EMILIN2: variants seen among roughly 807,000 people sequenced by gnomAD.
EMILIN2 encodes the protein elastin microfibril interfacer 2.
A neutral mutation model predicts 87.1 loss-of-function variants in EMILIN2; 71 were observed. The observed-to-expected ratio is 0.82, with a 90% CI of 0.67 to 0.99. The LOEUF (loss-of-function observed/expected upper bound fraction) is 0.99. EMILIN2 is among the 50% of genes least tolerant of loss of function. The pLI, the probability that EMILIN2 is intolerant of heterozygous loss-of-function variation, is 0.00. For missense variants in EMILIN2, 1,407 were observed against 1,371.8 expected, an observed-to-expected ratio of 1.03 and a Z score of -0.40; for synonymous variants, 581 against 563.4, an observed-to-expected ratio of 1.03 and a Z score of -0.44.
At chr18:2,846,956 C>A, upstream of EMILIN2, 1 of 999,196 alleles carries the variant, frequency 1.0e-6, no homozygotes. This position sits in a 1 kb window ranked among gnomAD's most constrained non-coding sequence, Gnocchi z 5.3. Context: ...CCCGGGGGGA[C>A]CTGTGCGTCA....
At chr18:2,906,584 G>A (rs952193266) in intron 4 of EMILIN2, 199 bp from the exon 5 acceptor site, 2 of 394,170 alleles carry the variant, frequency 5.1e-6, no homozygotes, top group Non-Finnish European at 8.7e-6. Context: ...GGGGTCCCCG[G>A]CGGCGTCCGG....
At chr18:2,888,419 T>TTAA (rs2076813767) in intron 3 of EMILIN2, among the ~76,000 whole-genome samples, 1 of 152,108 alleles carries the variant, frequency 6.6e-6, no homozygotes, top group Admixed American at 6.6e-5. Flanking sequence ...CTTTAGTGTC[T>TTAA]TAAGAGAGAA....
At chr18:2,862,768 A>T (rs886250400) in intron 2 of EMILIN2, among the ~76,000 whole-genome samples, 1 of 152,002 alleles carries the variant, frequency 6.6e-6, no homozygotes, top group African/African-American at 2.4e-5. Context: ...CTCTTTTTCT[A>T]TTGATTGGAA....
chr18:2,896,762 G>C (rs555127673), intron 4 of EMILIN2, among the ~76,000 whole-genome samples: 16 of 152,230 alleles, frequency 1.1e-4, no homozygotes, highest in African/African-American at 3.6e-4. Context: ...GGCATGTGCT[G>C]TAATTACATG....
chr18:2,850,093 ATTTT>A lies in EMILIN2; in HGVS notation c.257+2179_257+2182del, dbSNP rs71366611. Among the ~76,000 whole-genome samples, 514 of 122,536 alleles carry A rather than the reference ATTTT, an allele frequency of 4.2e-3. 5 individuals are homozygous for A. The highest frequency in any genetic ancestry group is 0.015 in the African/African-American group (467 of 32,136). 80.4% of individuals were successfully genotyped at this position (122,536 alleles called of 152,430 possible). On this transcript the variant is annotated intron_variant, in intron 2 of 7. Coordinates refer to ENST00000254528, the MANE Select transcript of EMILIN2 (RefSeq NM_032048.3). ...AGGTGTGTGCCACCATGCCCAGCTA[ATTTT>A]TTTTTTTTTTTTTTTTGTATTTTTA...
At chr18:2,860,613 A>C (rs917023011) in intron 2 of EMILIN2, among the ~76,000 whole-genome samples, 2 of 152,174 alleles carry the variant, frequency 1.3e-5, no homozygotes, top group African/African-American at 4.8e-5. Flanking sequence ...TATATGTTCC[A>C]CATTTTCTTA....
chr18:2,858,636 TTC>T (rs1227483136), intron 2 of EMILIN2, among the ~76,000 whole-genome samples: 1 of 141,728 alleles, frequency 7.1e-6, no homozygotes, highest in Non-Finnish European at 1.5e-5. Context: ...AGTTTCTTTT[TTC>T]TCTTTCTTTT....
intron 5 of EMILIN2, 68 bp from the exon 6 acceptor site, chr18:2,908,875 G>A (rs1015841729): frequency 1.7e-5 from 27 of 1,587,778 alleles, no homozygotes; most frequent in Non-Finnish European, 2.3e-5. Context: ...AGAGGAAAAA[G>A]GGGGCTCAGA....
In EMILIN2 at chr18:2,914,211, A is replaced by G. The variant is rs1598509794; in HGVS notation, c.*807A>G. On this transcript the variant is annotated 3_prime_UTR_variant, in exon 8 of 8. Transcript: ENST00000254528. The stretch of plus-strand genomic sequence containing the variant: ...AATTAATCTCAGCTACAAAACTGTT[A>G]CCCCTCCGCATCCAAGCTATACACT... 1 of 152,294 alleles carries G rather than the reference A, an allele frequency of 6.6e-6. No individual in the cohort carries two copies. Among genetic ancestry groups the G allele is most frequent in the Non-Finnish European group, 1.5e-5 (1 of 68,030 alleles). The allele number at this position is 152,294 out of a possible 1,614,324, so 9.4% of individuals were successfully genotyped here. A position where few individuals can be genotyped will look rare whatever the true frequency, so the allele number is the denominator to read the frequency against.
upstream of EMILIN2, among the ~76,000 whole-genome samples, chr18:2,846,459 C>T (rs140890021): frequency 2.0e-5 from 3 of 152,234 alleles, no homozygotes; most frequent in Non-Finnish European, 4.4e-5. The surrounding 1 kb of genome is among the most constrained non-coding windows in gnomAD (Gnocchi z 5.3). Context: ...TGCCGCCCCC[C>T]GCGTGGCCTC....
At position 2,865,005 on chromosome 18, in the gene EMILIN2, G is replaced by A. The variant is rs184726364; in HGVS notation, c.257+17074G>A. On this transcript the variant is annotated intron_variant, in intron 2 of 7. Coordinates refer to ENST00000254528, the MANE Select transcript of EMILIN2 (RefSeq NM_032048.3). ...CTGATACCCTTTCTTCCAGTTGATC[G>A]CATCAGCTACTGAGGCTTGTGCATT... is the stretch of plus-strand genomic sequence containing the variant. Among the ~76,000 whole-genome samples, 1,374 of 152,126 alleles carry A rather than the reference G, an allele frequency of 9.0e-3. 11 individuals are homozygous for A. Among genetic ancestry groups the A allele is most frequent in the Non-Finnish European group, 0.011 (726 of 68,008 alleles).
chr18:2,877,429 A>G, intron 2 of EMILIN2, among the ~76,000 whole-genome samples: 1 of 125,820 alleles, frequency 7.9e-6, no homozygotes, highest in Non-Finnish European at 1.6e-5. Context: ...TTATTCATTG[A>G]CTGACAGTTT....
rs1223649935 is a variant in EMILIN2, at chr18:2,890,379, A to G, written c.434-182A>G. Among the ~76,000 whole-genome samples, 4 of 152,218 alleles carry G rather than the reference A, an allele frequency of 2.6e-5. No homozygotes were observed. The East Asian group carries it at 7.7e-4, about 29-fold the overall frequency. On this transcript the variant is annotated intron_variant, in intron 3 of 7. Coordinates refer to ENST00000254528, the MANE Select transcript of EMILIN2 (RefSeq NM_032048.3). The surrounding 1 kb of genome is among the most constrained non-coding windows in gnomAD (Gnocchi z 4.7). ...AATAGCAGAGCCAGAATGCAAGTAG[A>G]GGTCTATTTGACTACAAAGCCCATA...
rs1011423125 is a variant in EMILIN2, at chr18:2,914,711, G to A, written c.*1307G>A. 17 of 151,904 alleles carry A rather than the reference G, an allele frequency of 1.1e-4. No homozygotes were observed. Among genetic ancestry groups the A allele is most frequent in the Admixed American group, 7.2e-4 (11 of 15,260 alleles). The allele number at this position is 151,904 out of a possible 1,614,324, so 9.4% of individuals were successfully genotyped here. On this transcript the variant is annotated 3_prime_UTR_variant, in exon 8 of 8. Transcript: ENST00000254528. ...TTGGCCCACAAGATGCTCTTATGCTGTAAAAAAAATGCTTTAAGAATTGTT... is the reference window on the plus strand; with the variant it reads ...TTGGCCCACAAGATGCTCTTATGCTATAAAAAAAATGCTTTAAGAATTGTT...
Position 2,913,562 on chromosome 18 carries a change from GCATC to G in EMILIN2, c.*161_*164del. 1 of 614,130 alleles carries G rather than the reference GCATC, an allele frequency of 1.6e-6. No homozygotes were observed. The highest frequency in any genetic ancestry group is 2.8e-6 in the Non-Finnish European group (1 of 359,224). 38.0% of individuals were successfully genotyped at this position (614,130 alleles called of 1,614,324 possible). A position where few individuals can be genotyped will look rare whatever the true frequency, so the allele number is the denominator to read the frequency against. ...GCTGTTGAGGCCACCATGCCTTACT[GCATC>G]CAGCCAGGCTGCAGGGAGTGAGGCA... On this transcript the variant is annotated 3_prime_UTR_variant, in exon 8 of 8. Transcript: ENST00000254528.
intron 5 of EMILIN2, among the ~76,000 whole-genome samples, chr18:2,908,625 G>A (rs1396034434): frequency 6.6e-6 from 1 of 152,180 alleles, no homozygotes; most frequent in East Asian, 1.9e-4. Context: ...ATGTTAGTTG[G>A]CTTGTGTGAC....
At chr18:2,886,313 G>A (rs2076803324) in intron 3 of EMILIN2, among the ~76,000 whole-genome samples, 2 of 152,088 alleles carry the variant, frequency 1.3e-5, no homozygotes, top group African/African-American at 2.4e-5. Flanking sequence ...GGGGGCTGGT[G>A]GATTGTAATC....
At chr18:2,862,842 A>G (rs2076667863) in intron 2 of EMILIN2, among the ~76,000 whole-genome samples, 2 of 152,106 alleles carry the variant, frequency 1.3e-5, no homozygotes, top group South Asian at 2.1e-4. Flanking sequence ...CTGTGAATCC[A>G]TCTGGTCCTG....
At chr18:2,899,846 T>A (rs1254136503) in intron 4 of EMILIN2, among the ~76,000 whole-genome samples, 12 of 152,218 alleles carry the variant, frequency 7.9e-5, no homozygotes, top group Non-Finnish European at 1.8e-4. Context: ...TTCCAAGAGC[T>A]GCTGATGCTC....
Sources: gnomAD v4.1 joint callset for allele counts (sites outside exome capture counted in the v4.1 genomes callset) on GRCh38, gnomAD v4.1.1 for gene constraint, Gnocchi (gnomAD v3.1) non-coding constraint, MANE v1.5 for transcripts, NCBI Gene and HGNC (gene_info 2026-07-23, HGNC 2026-07-21) for gene names.